Variants in POLB observed in about 807,000 individuals in gnomAD.
POLB encodes DNA polymerase beta, also known as 5'-dRP lyase.
In POLB, 37 loss-of-function variants were observed where a neutral mutation model predicts 52.7. The ratio of observed to expected loss-of-function variants is 0.70; its 90% CI spans 0.54 to 0.92. POLB has a LOEUF of 0.92. POLB is among the 40% of genes least tolerant of loss of function. The pLI is 0.00. For synonymous variants in POLB, 138 were observed against 131.3 expected, an observed-to-expected ratio of 1.05 and a Z score of -0.35; for missense variants, 313 against 400.8, an observed-to-expected ratio of 0.78 and a Z score of 1.87.
chr8:42,342,510 AT>A, intron 2 of POLB: 1 of 933,962 alleles, frequency 1.1e-6, no homozygotes, highest in Non-Finnish European at 1.7e-6. Flanking sequence ...TGTTGTATTT[AT>A]TTTTATCCTG....
Position 42,339,001 on chromosome 8 carries a change from T to C in POLB, c.62-11T>C. On this transcript the variant is annotated splice_polypyrimidine_tract_variant and intron_variant, in intron 1 of 13. Transcript: ENST00000265421. ...GGTTCTTGTTCACCCGAGCCTTCTGTTGCCTTTCAGAACTCGCAAACTTTG... is the reference window on the plus strand; with the variant it reads ...GGTTCTTGTTCACCCGAGCCTTCTGCTGCCTTTCAGAACTCGCAAACTTTG... 2 of 1,612,630 alleles carry C rather than the reference T, an allele frequency of 1.2e-6. No homozygotes were observed. Among genetic ancestry groups the C allele is most frequent in the Non-Finnish European group, 1.7e-6 (2 of 1,178,562 alleles).
In POLB at chr8:42,371,686, C is replaced by T; in HGVS notation, c.*29C>T. 8.1e-7 allele frequency: 1 copy of T among 1,237,606 alleles called. No homozygotes were observed. The highest frequency in any genetic ancestry group is 1.2e-6 in the Non-Finnish European group (1 of 836,954). 76.7% of individuals were successfully genotyped at this position (1,237,606 alleles called of 1,614,324 possible). On this transcript the variant is annotated 3_prime_UTR_variant, in exon 14 of 14. Transcript: ENST00000265421. ...CTGTATCCTCCCTGGCAGACACAAC[C>T]CAATAGGAGTCTTAATTTATTTCTT...
At chr8:42,342,242 A>G (rs924682098) in intron 2 of POLB, 41 of 1,544,156 alleles carry the variant, frequency 2.7e-5, no homozygotes, top group African/African-American at 4.1e-5. Flanking sequence ...AATGCTTTCT[A>G]CATTGTATTA....
chr8:42,359,954 T>C (rs1563402961), intron 9 of POLB, among the ~76,000 whole-genome samples: 1 of 151,766 alleles, frequency 6.6e-6, no homozygotes, highest in Non-Finnish European at 1.5e-5. Flanking sequence ...CTTCTTTTTT[T>C]CTTTTTTTTT....
chr8:42,349,275 C>A, intron 4 of POLB, 185 bp downstream of exon 4: 1 of 492,374 alleles, frequency 2.0e-6, no homozygotes. Flanking sequence ...TTTTATGTGG[C>A]ATTTAAGAGA....
intron 13 of POLB, among the ~76,000 whole-genome samples, chr8:42,370,823 G>T (rs3136809): frequency 1.3e-5 from 2 of 152,178 alleles, no homozygotes; most frequent in Non-Finnish European, 2.9e-5. Flanking sequence ...ACATCTCATC[G>T]TGTTTTAAGA....
At chr8:42,368,874 G>T (rs545462571) in intron 11 of POLB, 200 of 154,168 alleles carry the variant, frequency 1.3e-3, no homozygotes, top group Non-Finnish European at 2.2e-3. Flanking sequence ...GTTATTACTG[G>T]AAGCTTTTTT....
intron 4 of POLB, chr8:42,349,295 C>A (rs180889115): frequency 6.9e-6 from 3 of 434,044 alleles, no homozygotes; most frequent in South Asian, 4.5e-5. Context: ...ACTATTAACA[C>A]CCGTAATAGA....
At chr8:42,350,918 T>A (rs1822942560) in intron 5 of POLB, among the ~76,000 whole-genome samples, 2 of 151,954 alleles carry the variant, frequency 1.3e-5, no homozygotes, top group African/African-American at 4.8e-5. Flanking sequence ...CTATCTAGGC[T>A]AGAGTGCAGT....
intron 9 of POLB, among the ~76,000 whole-genome samples, chr8:42,360,749 TA>T (rs540293292): frequency 0.018 from 2,629 of 142,512 alleles, 25 homozygotes; most frequent in Middle Eastern, 0.074. Flanking sequence ...GTTTTCTTTT[TA>T]AAAAAAAAAA....
chr8:42,350,093 ATCG>A, intron 5 of POLB, 28 bp downstream of exon 5: 1 of 1,446,002 alleles, frequency 6.9e-7, no homozygotes, highest in Non-Finnish European at 9.7e-7. Flanking sequence ...AGCAGACACA[ATCG>A]TCAGTTAGTT....
intron 10 of POLB, among the ~76,000 whole-genome samples, chr8:42,362,208 C>A (rs1055206145): frequency 6.6e-6 from 1 of 151,542 alleles, no homozygotes; most frequent in African/African-American, 2.4e-5. Flanking sequence ...TGCAGTGAGC[C>A]GAGATCGTGC....
intron 9 of POLB, among the ~76,000 whole-genome samples, chr8:42,358,453 G>A (rs1823469435): frequency 6.6e-6 from 1 of 151,960 alleles, no homozygotes; most frequent in South Asian, 2.1e-4. Context: ...AGTGAGCCGA[G>A]ATCAAGCCGC....
intron 4 of POLB, 187 bp downstream of exon 4, chr8:42,349,277 T>A: frequency 2.0e-6 from 1 of 492,824 alleles, no homozygotes; most frequent in Non-Finnish European, 3.6e-6. Context: ...TTATGTGGCA[T>A]TTAAGAGACT....
At chr8:42,362,216 TGCCACTGCACTCCAGCCTG>T (rs1168394346) in intron 10 of POLB, among the ~76,000 whole-genome samples, 1 of 151,648 alleles carries the variant, frequency 6.6e-6, no homozygotes, top group Non-Finnish European at 1.5e-5. Flanking sequence ...GCCGAGATCG[TGCCACTGCACTCCAGCCTG>T]GCAACAGAAC....
chr8:42,365,041 C>T (rs1823953200), intron 11 of POLB, among the ~76,000 whole-genome samples: 2 of 151,796 alleles, frequency 1.3e-5, no homozygotes, highest in South Asian at 2.1e-4. Flanking sequence ...GAGCCATGAT[C>T]GCACTACTGC....
At chr8:42,341,363 G>C (rs1417977291) in intron 2 of POLB, among the ~76,000 whole-genome samples, 1 of 152,158 alleles carries the variant, frequency 6.6e-6, no homozygotes, top group African/African-American at 2.4e-5. Context: ...AACTGTGTTT[G>C]CCTGCTCCTT....
intron 6 of POLB, among the ~76,000 whole-genome samples, chr8:42,352,932 G>A (rs184355624): frequency 0.012 from 1,875 of 151,650 alleles, 44 homozygotes; most frequent in Non-Finnish European, 0.014. Flanking sequence ...AAATTAGCCG[G>A]GTGTGGTGGC....
intron 2 of POLB, chr8:42,342,115 T>C: frequency 1.6e-6 from 2 of 1,271,968 alleles, no homozygotes; most frequent in East Asian, 4.6e-5. Flanking sequence ...CAGGGAATCA[T>C]TTGGTACTTT....
Sources: allele counts gnomAD v4.1 joint callset (sites outside exome capture counted in the v4.1 genomes callset), GRCh38; gene constraint gnomAD v4.1.1; transcripts MANE v1.5; gene names NCBI Gene and HGNC (gene_info 2026-07-23, HGNC 2026-07-21).